Variants in CCDC201 observed in about 807,000 individuals in gnomAD.
The protein encoded by CCDC201 is coiled-coil domain containing 201.
the CCDC201 span, among the ~76,000 whole-genome samples, chr7:45,882,363 C>T: frequency 6.6e-6 from 1 of 152,322 alleles, no homozygotes; most frequent in African/African-American, 2.4e-5. Context: ...CTTTCTTGTA[C>T]CAGGCAATCC....
At chr7:45,861,217 C>T (rs1277586979) in exon 3 of CCDC201, 1 of 152,088 alleles carries the variant, frequency 6.6e-6, no homozygotes, top group African/African-American at 2.4e-5. Flanking sequence ...ATAGTAAAGA[C>T]TGGAAAGAAT....
At chr7:45,873,336 C>A (rs943497070), upstream of CCDC201, among the ~76,000 whole-genome samples, 2 of 139,840 alleles carry the variant, frequency 1.4e-5, no homozygotes, top group Non-Finnish European at 3.0e-5. Flanking sequence ...ATCATAACCA[C>A]CTACGGGAAA....
the CCDC201 span, among the ~76,000 whole-genome samples, chr7:45,879,561 A>G: frequency 0.52 from 78,370 of 151,964 alleles, 20,398 homozygotes; most frequent in East Asian, 0.63. Context: ...TGGCAGAGTG[A>G]TGGGGAGGAG....
At chr7:45,883,550 C>G in the CCDC201 span, among the ~76,000 whole-genome samples, 8 of 152,140 alleles carry the variant, frequency 5.3e-5, no homozygotes, top group Non-Finnish European at 1.2e-4. Flanking sequence ...GATGACGACT[C>G]CCAAAGACCA....
exon 2 of CCDC201, chr7:45,866,141 C>T: frequency 5.2e-6 from 1 of 192,608 alleles, no homozygotes; most frequent in South Asian, 8.7e-5. Context: ...GGGACTCTTG[C>T]TGCTGCTGCT....
chr7:45,874,897 TGTATGA>T (rs1786783391), upstream of CCDC201, among the ~76,000 whole-genome samples: 1 of 152,246 alleles, frequency 6.6e-6, no homozygotes, highest in African/African-American at 2.4e-5. Context: ...CAATTCCACT[TGTATGA>T]GTATGTCAGG....
upstream of CCDC201, among the ~76,000 whole-genome samples, chr7:45,875,573 T>G (rs755701547): frequency 1.3e-5 from 2 of 152,194 alleles, no homozygotes; most frequent in Non-Finnish European, 2.9e-5. Flanking sequence ...TAACATCACT[T>G]AATTGTTTCG....
intron 2 of CCDC201, among the ~76,000 whole-genome samples, chr7:45,865,221 C>T (rs1786655694): frequency 6.6e-6 from 1 of 152,242 alleles, no homozygotes; most frequent in African/African-American, 2.4e-5. Context: ...CAACTGGCTG[C>T]TACCCTGGGG....
chr7:45,863,527 T>C (rs1786628293), intron 2 of CCDC201, among the ~76,000 whole-genome samples: 1 of 152,002 alleles, frequency 6.6e-6, no homozygotes, highest in African/African-American at 2.4e-5. Flanking sequence ...CATAGGTCAG[T>C]CTAGATGGGA....
chr7:45,867,268 T>C (rs1209056984), intron 1 of CCDC201, among the ~76,000 whole-genome samples: 2 of 152,230 alleles, frequency 1.3e-5, no homozygotes, highest in Admixed American at 6.5e-5. Flanking sequence ...TCCTAACTGG[T>C]ATCTCCGCAC....
intron 1 of CCDC201, among the ~76,000 whole-genome samples, chr7:45,866,762 A>C (rs1786676770): frequency 6.6e-6 from 1 of 152,168 alleles, no homozygotes; most frequent in South Asian, 2.1e-4. Context: ...ATTGTCAGAG[A>C]TGTATTTTTC....
chr7:45,880,646 C>T, the CCDC201 span, among the ~76,000 whole-genome samples: 6 of 152,226 alleles, frequency 3.9e-5, no homozygotes, highest in Non-Finnish European at 8.8e-5. Context: ...AATGAGACTC[C>T]CACTCTTTTT....
At chr7:45,882,329 A>C in the CCDC201 span, among the ~76,000 whole-genome samples, 2 of 152,196 alleles carry the variant, frequency 1.3e-5, no homozygotes, top group African/African-American at 4.8e-5. Flanking sequence ...GCTCAGGATG[A>C]CAATAGCTCC....
At chr7:45,861,493 G>C (rs1006256445) in exon 3 of CCDC201, 4 of 152,144 alleles carry the variant, frequency 2.6e-5, no homozygotes, top group Non-Finnish European at 5.9e-5. Context: ...TGAAGTTACT[G>C]TCTAACTGCA....
exon 2 of CCDC201, chr7:45,866,161 G>C (rs1055843333): frequency 5.0e-6 from 1 of 200,752 alleles, no homozygotes; most frequent in African/African-American, 2.4e-5. Context: ...TGCTGCTGCC[G>C]CTGCCGCTGC....
intron 1 of CCDC201, among the ~76,000 whole-genome samples, chr7:45,872,576 G>A (rs1048985974): frequency 2.9e-4 from 44 of 152,192 alleles, no homozygotes; most frequent in Admixed American, 2.9e-3. Context: ...CCAATGCCCA[G>A]TGTCTCAGGA....
exon 3 of CCDC201, chr7:45,860,335 T>A (rs760405260): frequency 6.6e-6 from 1 of 152,176 alleles, no homozygotes; most frequent in Non-Finnish European, 1.5e-5. Flanking sequence ...TTTGTGGATC[T>A]TCAGTTGCTT....
chr7:45,873,075 C>A (rs917843828), exon 1 of CCDC201: 2 of 152,350 alleles, frequency 1.3e-5, no homozygotes, highest in African/African-American at 4.8e-5. Context: ...CCCTCAGCAC[C>A]AAGAAATACC....
chr7:45,869,003 G>A (rs1434003329), intron 1 of CCDC201, among the ~76,000 whole-genome samples: 1 of 152,118 alleles, frequency 6.6e-6, no homozygotes. Context: ...AAAAACTTAG[G>A]TATCTGCATA....
Sources: gnomAD v4.1 joint callset for allele counts (sites outside exome capture counted in the v4.1 genomes callset) on GRCh38, gnomAD v4.1.1 for gene constraint, MANE v1.5 for transcripts, NCBI Gene and HGNC (gene_info 2026-07-23, HGNC 2026-07-21) for gene names.